Variants in ST7 observed in about 807,000 individuals in gnomAD.
The protein encoded by ST7 is suppressor of tumorigenicity 7 protein.
A neutral mutation model predicts 78.7 loss-of-function variants in ST7; 28 were observed. The observed-to-expected ratio is 0.36, with a 90% CI of 0.26 to 0.49. ST7 has a LOEUF of 0.49. Ranked by LOEUF, ST7 falls within the 20% of genes least tolerant of loss-of-function variation. ST7 has a pLI of 0.99. For synonymous variants in ST7, 247 were observed against 249.6 expected, an observed-to-expected ratio of 0.99 and a Z score of 0.10; for missense variants, 418 against 696.0, an observed-to-expected ratio of 0.60 and a Z score of 4.49.
chr7:116,953,509 A>G lies in ST7; in HGVS notation c.-32A>G, dbSNP rs567678176. 15 of 1,298,988 alleles carry G rather than the reference A, an allele frequency of 1.2e-5. No individual in the cohort carries two copies. Among genetic ancestry groups the G allele is most frequent in the East Asian group, 3.7e-5 (1 of 27,272 alleles). The allele number at this position is 1,298,988 out of a possible 1,614,324, so 80.5% of individuals were successfully genotyped here. On this transcript the variant is annotated 5_prime_UTR_variant, in exon 1 of 16. Coordinates refer to ENST00000323984, the MANE Select transcript of ST7 (RefSeq NM_001369598.1). ...CGGTGAATCATCCCGGCAGACACCA[A>G]GAGCCGCGGCAGCAGAGAGGAGCGC... is the stretch of plus-strand genomic sequence containing the variant.
chr7:117,176,097 T>C (rs1437311995), intron 10 of ST7, among the ~76,000 whole-genome samples: 2 of 152,336 alleles, frequency 1.3e-5, no homozygotes, highest in Admixed American at 6.5e-5. Context: ...TCATAGCAAC[T>C]TCAGCCTCTG....
chr7:116,995,515 G>A (rs1794613912), intron 1 of ST7, among the ~76,000 whole-genome samples: 1 of 152,190 alleles, frequency 6.6e-6, no homozygotes, highest in Non-Finnish European at 1.5e-5. Context: ...GCCAGGGCTG[G>A]CACTTATTGG....
chr7:117,022,668 A>G (rs1018267000), intron 1 of ST7, among the ~76,000 whole-genome samples: 4 of 152,312 alleles, frequency 2.6e-5, no homozygotes, highest in African/African-American at 9.6e-5. Flanking sequence ...AAATTATCGT[A>G]AGAAATACTT....
chr7:117,152,202 T>TATATATATATATATATATATAC (rs1563124735), intron 9 of ST7, among the ~76,000 whole-genome samples: 12 of 76,180 alleles, frequency 1.6e-4, no homozygotes, highest in African/African-American at 5.1e-4. Context: ...TATATATATA[T>TATATATATATATATATATATAC]ATATATATAT....
intron 12 of ST7, among the ~76,000 whole-genome samples, chr7:117,195,920 C>T (rs2117438634): frequency 6.6e-6 from 1 of 152,262 alleles, no homozygotes; most frequent in Admixed American, 6.5e-5. Context: ...TCCTCATTTT[C>T]CCCTCCCCAC....
At chr7:117,196,373 T>C (rs1353453719) in intron 12 of ST7, among the ~76,000 whole-genome samples, 1 of 104,460 alleles carries the variant, frequency 9.6e-6, no homozygotes, top group African/African-American at 2.7e-5. Context: ...GGCTGCACCA[T>C]TGTACATTCC....
intron 1 of ST7, among the ~76,000 whole-genome samples, chr7:117,064,956 C>CTCA (rs1362822367): frequency 2.0e-5 from 3 of 152,142 alleles, no homozygotes; most frequent in Non-Finnish European, 2.9e-5. Context: ...AATGACTAAT[C>CTCA]TCATTGTGTA....
chr7:116,967,247 T>G (rs746907693), intron 1 of ST7: 2 of 470,408 alleles, frequency 4.3e-6, no homozygotes, highest in African/African-American at 4.0e-5. Context: ...GAGCCTGTTC[T>G]GGAAGACCCC....
At chr7:117,134,096 T>C (rs1487851826) in intron 6 of ST7, 28 bp from the exon 7 acceptor site, 1 of 1,610,144 alleles carries the variant, frequency 6.2e-7, no homozygotes, top group Admixed American at 1.7e-5. Flanking sequence ...ATTTTCATTT[T>C]ACCAACTATT....
chr7:116,993,639 T>G (rs1794523242), intron 1 of ST7, among the ~76,000 whole-genome samples: 1 of 152,246 alleles, frequency 6.6e-6, no homozygotes, highest in African/African-American at 2.4e-5. Context: ...TCTTGGAAAC[T>G]TCAGTGTTTG....
chr7:117,099,766 C>T lies in ST7; in HGVS notation c.156C>T (p.Ser52=), dbSNP rs768636943. 2.5e-6 allele frequency: 4 copies of T among 1,611,856 alleles called. No homozygotes were observed. The Admixed American group carries it at 5.0e-5, about 20-fold the overall frequency. ...TCTCTCTCTTTTCTTTTTCAGTGAG[C>T]ATGTTTTTGAACACATTAACACCGA... The part of the protein sequence containing the change: ...LKINDNLSTV[S]MFLNTLTPKF... The change falls in exon 2 of 16, where the codon AGC becomes AGT. Residue 52 remains serine (S), a synonymous_variant. Coordinates refer to ENST00000323984, the MANE Select transcript of ST7 (RefSeq NM_001369598.1).
chr7:116,960,483 A>T (rs970930388), intron 1 of ST7, among the ~76,000 whole-genome samples: 1 of 152,156 alleles, frequency 6.6e-6, no homozygotes, highest in African/African-American at 2.4e-5. Flanking sequence ...GCCACTGCAG[A>T]CACATAAAAT....
At chr7:117,072,114 C>T (rs1466023559) in intron 1 of ST7, 1 of 152,140 alleles carries the variant, frequency 6.6e-6, no homozygotes, top group Non-Finnish European at 1.5e-5. Flanking sequence ...AAATTTTTTT[C>T]AACTTCACAT....
intron 10 of ST7, among the ~76,000 whole-genome samples, chr7:117,187,101 A>G (rs2117368627): frequency 6.6e-6 from 1 of 152,354 alleles, no homozygotes; most frequent in Admixed American, 6.5e-5. Context: ...AGAGTGATTC[A>G]TCCCTCCTTA....
chr7:117,217,829 G>A lies in ST7; in HGVS notation c.1406-1255G>A, dbSNP rs539839704. Among the ~76,000 whole-genome samples the A allele has an allele frequency of 3.9e-5, 6 of 152,294 alleles. No individual in the cohort carries two copies. The East Asian group carries it at 5.8e-4, about 15-fold the overall frequency. On this transcript the variant is annotated intron_variant, in intron 13 of 15. Coordinates refer to ENST00000323984, the MANE Select transcript of ST7 (RefSeq NM_001369598.1). ...ACATTTATAGTGATTTATATTCTCC[G>A]TGGCAATGTGCTGTAACCTCAGAGT... is the stretch of plus-strand genomic sequence containing the variant.
intron 1 of ST7, among the ~76,000 whole-genome samples, chr7:117,048,064 A>C (rs966468757): frequency 2.6e-5 from 4 of 152,206 alleles, no homozygotes; most frequent in Admixed American, 6.5e-5. Context: ...ATAATAAGAA[A>C]ATCATAAGGA....
chr7:117,062,793 G>A (rs1186641841), intron 1 of ST7, among the ~76,000 whole-genome samples: 1 of 152,150 alleles, frequency 6.6e-6, no homozygotes, highest in Non-Finnish European at 1.5e-5. Context: ...TAGAAAAATG[G>A]TACATCCTGA....
At chr7:117,091,085 C>T (rs920139039) in intron 1 of ST7, among the ~76,000 whole-genome samples, 87 of 152,220 alleles carry the variant, frequency 5.7e-4, no homozygotes, top group African/African-American at 2.1e-3. Context: ...TAGGCGACAT[C>T]GGGAGTGGAA....
At chr7:117,001,424 A>C (rs747223496) in intron 1 of ST7, among the ~76,000 whole-genome samples, 1 of 152,166 alleles carries the variant, frequency 6.6e-6, no homozygotes, top group Non-Finnish European at 1.5e-5. Flanking sequence ...TCAGGTGTCC[A>C]TTTTCATGGG....
Sources: gnomAD v4.1 joint callset for allele counts (sites outside exome capture counted in the v4.1 genomes callset) on GRCh38, gnomAD v4.1.1 for gene constraint, MANE v1.5 for transcripts, NCBI Gene and HGNC (gene_info 2026-07-23, HGNC 2026-07-21) for gene names.